The following STARD13 variants were observed in gnomAD, a reference collection of about 807,000 sequenced individuals.
STARD13 encodes the protein StAR related lipid transfer domain containing 13.
In STARD13, 62 loss-of-function variants were observed where a neutral mutation model predicts 106.4. The observed-to-expected ratio is 0.58, with a 90% CI of 0.48 to 0.72. The LOEUF is 0.72. Among genes scored for constraint, STARD13 ranks in the 30% least tolerant of loss-of-function variants. The probability of loss-of-function intolerance (pLI) is 0.00; values close to 1 mark genes in which losing one functional copy is unlikely to be tolerated. For missense variants in STARD13, 1,387 were observed against 1,424.0 expected, an observed-to-expected ratio of 0.97 and a Z score of 0.42; for synonymous variants, 565 against 553.0, an observed-to-expected ratio of 1.02 and a Z score of -0.31.
chr13:33,524,817 C>T, the STARD13 span, among the ~76,000 whole-genome samples: 1 of 152,014 alleles, frequency 6.6e-6, no homozygotes, highest in Admixed American at 6.6e-5. Context: ...AGCTAATTAA[C>T]ATATGCATGA....
chr13:33,358,451 G>C, the STARD13 span, among the ~76,000 whole-genome samples: 3 of 152,336 alleles, frequency 2.0e-5, no homozygotes, highest in South Asian at 6.2e-4. Flanking sequence ...TCCTGAGTCT[G>C]GTGGGGACGT....
chr13:33,430,919 A>C, the STARD13 span, among the ~76,000 whole-genome samples: 1 of 152,216 alleles, frequency 6.6e-6, no homozygotes, highest in Non-Finnish European at 1.5e-5. Flanking sequence ...AAAGGATAGA[A>C]GGGAGGTGGA....
At chr13:33,394,719 T>C in the STARD13 span, among the ~76,000 whole-genome samples, 1 of 152,212 alleles carries the variant, frequency 6.6e-6, no homozygotes, top group Non-Finnish European at 1.5e-5. Flanking sequence ...GCACAGAACA[T>C]GCCAGGGATG....
intron 4 of STARD13, among the ~76,000 whole-genome samples, chr13:33,136,274 G>A (rs1387600939): frequency 6.6e-6 from 1 of 152,218 alleles, no homozygotes; most frequent in East Asian, 1.9e-4. Context: ...GAGCACAATT[G>A]TGATTCTTTG....
chr13:33,573,602 T>C, the STARD13 span, among the ~76,000 whole-genome samples: 1 of 152,196 alleles, frequency 6.6e-6, no homozygotes, highest in East Asian at 1.9e-4. Context: ...AATCAGACTA[T>C]ATTATGGTGA....
the STARD13 span, among the ~76,000 whole-genome samples, chr13:33,587,587 C>T: frequency 6.6e-6 from 1 of 152,150 alleles, no homozygotes; most frequent in Non-Finnish European, 1.5e-5. Flanking sequence ...TTGTCCAGAC[C>T]AGTGCTTCTC....
At chr13:33,115,074 A>G (rs1164055347) in intron 8 of STARD13, among the ~76,000 whole-genome samples, 1 of 152,058 alleles carries the variant, frequency 6.6e-6, no homozygotes, top group Non-Finnish European at 1.5e-5. Context: ...CAATTTCCAC[A>G]TTCTTTCAAT....
the STARD13 span, chr13:33,659,948 A>G: frequency 3.3e-5 from 5 of 152,222 alleles, no homozygotes; most frequent in African/African-American, 4.8e-5. Context: ...GGCTTAAATC[A>G]TACCTGATAT....
At chr13:33,550,235 C>T in the STARD13 span, among the ~76,000 whole-genome samples, 3 of 152,156 alleles carry the variant, frequency 2.0e-5, no homozygotes, top group Non-Finnish European at 2.9e-5. Flanking sequence ...TGAAACCAAT[C>T]AGAAAAGATA....
chr13:33,657,283 G>GA, the STARD13 span, among the ~76,000 whole-genome samples: 144,617 of 151,364 alleles, frequency 0.96, 69,018 homozygotes, highest in South Asian at 0.99. Context: ...AACAAACAAA[G>GA]AAAAAAAACA....
chr13:33,150,296 C>T (rs1881103795), intron 3 of STARD13, among the ~76,000 whole-genome samples: 1 of 152,220 alleles, frequency 6.6e-6, no homozygotes, highest in African/African-American at 2.4e-5. Flanking sequence ...TATTTGCATT[C>T]TTCATGCCTA....
rs138598608 is a variant in STARD13 at position 33,311,528 on chromosome 13, T to C, written c.124+38762A>G. On this transcript the variant is annotated intron_variant, in intron 1 of 5. Transcript: ENST00000567873. ...TAATCTCTCTGAGCTTCTGTTTCTT[T>C]ATTTGCAAAATGCAGATAGGAGATG... is the stretch of plus-strand genomic sequence containing the variant. Among the ~76,000 whole-genome samples the C allele has an allele frequency of 8.5e-5, 13 of 152,376 alleles. No homozygotes were observed. The East Asian group carries it at 2.5e-3, about 29-fold the overall frequency.
the STARD13 span, among the ~76,000 whole-genome samples, chr13:33,658,909 T>C: frequency 6.6e-6 from 1 of 152,098 alleles, no homozygotes; most frequent in Non-Finnish European, 1.5e-5. Context: ...CAATCATACC[T>C]ACATAATGAA....
At chr13:33,270,947 T>A (rs1188725352) in intron 1 of STARD13, among the ~76,000 whole-genome samples, 1 of 152,128 alleles carries the variant, frequency 6.6e-6, no homozygotes, top group Non-Finnish European at 1.5e-5. Flanking sequence ...AAAATTCCCT[T>A]CCCTGCACAC....
intron 1 of STARD13, among the ~76,000 whole-genome samples, chr13:33,311,140 A>AC (rs1214256531): frequency 6.6e-6 from 1 of 151,536 alleles, no homozygotes. Context: ...AAAAAAAAAA[A>AC]AAAAAAAATA....
At chr13:33,418,209 C>T in the STARD13 span, among the ~76,000 whole-genome samples, 35 of 152,204 alleles carry the variant, frequency 2.3e-4, no homozygotes, top group Non-Finnish European at 1.0e-4. Context: ...ACAGACTGTT[C>T]CTGGAAAAAT....
chr13:33,382,988 A>T, the STARD13 span, among the ~76,000 whole-genome samples: 1 of 152,168 alleles, frequency 6.6e-6, no homozygotes, highest in Non-Finnish European at 1.5e-5. Context: ...GCATTTACAT[A>T]CTTTAAATAT....
At chr13:33,544,770 C>CTTTTTTT in the STARD13 span, among the ~76,000 whole-genome samples, 6 of 108,708 alleles carry the variant, frequency 5.5e-5, no homozygotes, top group Non-Finnish European at 9.0e-5. Context: ...TGTTTTTTCT[C>CTTTTTTT]TTTTTTTTTT....
chr13:33,302,789 G>A (rs949988196), intron 1 of STARD13, among the ~76,000 whole-genome samples: 1 of 152,172 alleles, frequency 6.6e-6, no homozygotes, highest in African/African-American at 2.4e-5. Flanking sequence ...CTAACCTCCT[G>A]TCTTCCTGCT....
Sources: gnomAD v4.1 joint callset for allele counts (sites outside exome capture counted in the v4.1 genomes callset) on GRCh38, gnomAD v4.1.1 for gene constraint, MANE v1.5 for transcripts, NCBI Gene and HGNC (gene_info 2026-07-23, HGNC 2026-07-21) for gene names.